NPSR1: variants seen among roughly 807,000 people sequenced by gnomAD.
NPSR1 encodes neuropeptide S receptor 1.
Under a neutral mutation model 46.9 loss-of-function variants are expected in NPSR1, and 48 were observed. The observed-to-expected ratio is 1.02, with a 90% CI of 0.81 to 1.30. The LOEUF (loss-of-function observed/expected upper bound fraction) is 1.30, where lower values mean the gene tolerates loss of function less well. NPSR1 is among the 50% of genes most tolerant of loss of function. The pLI is 0.00. For missense variants in NPSR1, 450 were observed against 449.5 expected (o/e 1.00, Z -0.01); for synonymous variants, 176 against 168.1 (o/e 1.05, Z -0.36).
At chr7:34,831,447 G>A (rs998278854) in intron 5 of NPSR1, among the ~76,000 whole-genome samples, 3 of 151,848 alleles carry the variant, frequency 2.0e-5, no homozygotes, top group Admixed American at 2.0e-4. Context: ...TGAGAGGAAA[G>A]AAGAAAGGGA....
At chr7:34,834,279 T>C in intron 5 of NPSR1, 105 bp from the exon 6 acceptor site, 2 of 807,814 alleles carry the variant, frequency 2.5e-6, no homozygotes, top group East Asian at 4.9e-5. Context: ...TTAAAAGATC[T>C]GTCCCTTCAC....
chr7:34,704,703 G>T (rs1485416700), intron 2 of NPSR1, among the ~76,000 whole-genome samples: 1 of 152,092 alleles, frequency 6.6e-6, no homozygotes, highest in Non-Finnish European at 1.5e-5. Context: ...TTTGCAAGGG[G>T]GAAAAAAAGG....
At chr7:34,667,473 C>G (rs1791807390) in intron 1 of NPSR1, among the ~76,000 whole-genome samples, 1 of 152,196 alleles carries the variant, frequency 6.6e-6, no homozygotes, top group South Asian at 2.1e-4. Flanking sequence ...CCTAGACTCT[C>G]CATTCATCCA....
At position 34,827,429 on chromosome 7, in the gene NPSR1, C is replaced by G; in HGVS notation, c.507C>G (p.Ile169Met). 1.2e-6 allele frequency: 2 copies of G among 1,614,066 alleles called. No individual in the cohort carries two copies. Among genetic ancestry groups the G allele is most frequent in the Non-Finnish European group, 1.7e-6 (2 of 1,180,000 alleles). Residue 169 changes from isoleucine to methionine, a missense_variant, in exon 5 of 9, where the codon ATC becomes ATG. Ile to Met is a conservative substitution (Grantham distance 10). Coordinates refer to ENST00000360581, the MANE Select transcript of NPSR1 (RefSeq NM_207172.2). ...GEKQARVLIV[I>M]AWSLSFLFSI... ...AGCAAGCCAGGGTCCTCATTGTGAT[C>G]GCCTGGAGCCTGTCTTTTCTGTTCT...
At chr7:34,750,685 C>T in intron 2 of NPSR1, 1 of 703,176 alleles carries the variant, frequency 1.4e-6, no homozygotes, top group East Asian at 2.9e-5. Context: ...TGAAGATGGA[C>T]TCATCTGACA....
chr7:34,859,929 G>T (rs1363062550), intron 8 of NPSR1, among the ~76,000 whole-genome samples: 2 of 151,744 alleles, frequency 1.3e-5, no homozygotes, highest in Admixed American at 6.5e-5. Flanking sequence ...GGCCTCCTTT[G>T]CTTACATCTA....
At position 34,811,804 on chromosome 7, in the gene NPSR1, T is replaced by G; in HGVS notation, c.419T>G (p.Val140Gly). 6.2e-7 allele frequency: 1 copy of G among 1,613,702 alleles called. No homozygotes were observed. Among genetic ancestry groups the G allele is most frequent in the South Asian group, 1.1e-5 (1 of 91,014 alleles). The change falls in exon 4 of 9, where the codon GTG becomes GGG. Residue 140 changes from valine (V) to glycine (G), a missense_variant. Val to Gly is a moderately radical substitution (Grantham distance 109). Transcript: ENST00000360581. ...CTCTACGCCTCTACCTACGTCCTGG[T>G]GTCCCTCAGCATAGACAGATACCAT... Reference protein sequence around the residue: ...VLLYASTYVLVSLSIDRYHAI... With the variant: ...VLLYASTYVLGSLSIDRYHAI...
At chr7:34,813,165 G>A (rs530508191) in intron 4 of NPSR1, among the ~76,000 whole-genome samples, 19 of 152,160 alleles carry the variant, frequency 1.2e-4, no homozygotes, top group East Asian at 5.8e-4. Flanking sequence ...GGAATTCATC[G>A]CTAACCTTGG....
At chr7:34,778,092 C>T (rs1254509254) in intron 2 of NPSR1, among the ~76,000 whole-genome samples, 3 of 152,112 alleles carry the variant, frequency 2.0e-5, no homozygotes, top group African/African-American at 7.2e-5. Context: ...CCAAAGATAA[C>T]GATTTTGCTT....
chr7:34,831,131 T>C (rs1465132948), intron 5 of NPSR1, among the ~76,000 whole-genome samples: 3 of 152,208 alleles, frequency 2.0e-5, no homozygotes, highest in African/African-American at 7.2e-5. Context: ...CTGTATCTCA[T>C]GAGTGCAGGG....
At chr7:34,822,234 A>G (rs1789593052) in intron 4 of NPSR1, among the ~76,000 whole-genome samples, 1 of 152,128 alleles carries the variant, frequency 6.6e-6, no homozygotes, top group Non-Finnish European at 1.5e-5. Context: ...GTCAGAATTT[A>G]AGGGCAGCTG....
chr7:34,802,959 T>C (rs1481291937), intron 3 of NPSR1, among the ~76,000 whole-genome samples: 3 of 150,320 alleles, frequency 2.0e-5, no homozygotes, highest in Non-Finnish European at 4.4e-5. Flanking sequence ...AAAAAACACA[T>C]GAAAAAATGC....
intron 2 of NPSR1, among the ~76,000 whole-genome samples, chr7:34,767,651 T>C (rs192007919): frequency 6.6e-6 from 1 of 152,238 alleles, no homozygotes; most frequent in East Asian, 1.9e-4. Flanking sequence ...TAGTCTAAAA[T>C]ATATGTCATT....
chr7:34,711,158 G>A (rs1006838405), intron 2 of NPSR1: 86 of 252,802 alleles, frequency 3.4e-4, no homozygotes, highest in Non-Finnish European at 5.2e-4. Context: ...GAGGATTGTA[G>A]AACCATATAT....
At chr7:34,762,576 A>C (rs1019078087) in intron 2 of NPSR1, among the ~76,000 whole-genome samples, 1 of 152,192 alleles carries the variant, frequency 6.6e-6, no homozygotes, top group African/African-American at 2.4e-5. Flanking sequence ...GACCTTTATC[A>C]ATATCAAAAA....
intron 5 of NPSR1, among the ~76,000 whole-genome samples, chr7:34,831,144 T>C (rs1472094065): frequency 6.6e-6 from 1 of 152,222 alleles, no homozygotes; most frequent in Non-Finnish European, 1.5e-5. Flanking sequence ...GTGCAGGGAC[T>C]GTGGCCTCTT....
intron 2 of NPSR1, among the ~76,000 whole-genome samples, chr7:34,761,721 A>G (rs1211197651): frequency 6.6e-6 from 1 of 152,190 alleles, no homozygotes; most frequent in East Asian, 1.9e-4. Context: ...ATTTCTGTGA[A>G]TTCTTTTTAT....
chr7:34,703,689 A>C (rs1793962794), intron 2 of NPSR1, among the ~76,000 whole-genome samples: 1 of 152,186 alleles, frequency 6.6e-6, no homozygotes, highest in South Asian at 2.1e-4. Flanking sequence ...TAGAAAGAAA[A>C]TAGATCTTGA....
At chr7:34,841,925 CAG>C (rs1323167292) in intron 6 of NPSR1, among the ~76,000 whole-genome samples, 3 of 152,172 alleles carry the variant, frequency 2.0e-5, no homozygotes, top group African/African-American at 7.2e-5. Flanking sequence ...TCTTTACTTG[CAG>C]CCCATGGGTA....
Sources: gnomAD v4.1 joint callset for allele counts (sites outside exome capture counted in the v4.1 genomes callset) on GRCh38, gnomAD v4.1.1 for gene constraint, MANE v1.5 for transcripts, NCBI Gene and HGNC (gene_info 2026-07-23, HGNC 2026-07-21) for gene names.